Variants in UBN2 observed in about 807,000 individuals in gnomAD.
UBN2 encodes the protein ubinuclein 2.
UBN2 carries 35 observed loss-of-function variants against 120.2 expected under a neutral mutation model. The ratio of observed to expected loss-of-function variants is 0.29; its 90% CI spans 0.22 to 0.39. The LOEUF (loss-of-function observed/expected upper bound fraction) is 0.39, where lower values mean the gene tolerates loss of function less well. Ranked by LOEUF, UBN2 falls within the 10% of genes least tolerant of loss-of-function variation. The probability of loss-of-function intolerance (pLI) is 1.00; values close to 1 mark genes in which losing one functional copy is unlikely to be tolerated. For synonymous variants in UBN2, 661 were observed against 648.7 expected (o/e 1.02, Z -0.29); for missense variants, 1,693 against 1,663.2 (o/e 1.02, Z -0.31).
chr7:139,234,044 A>G (rs769727936), intron 1 of UBN2, among the ~76,000 whole-genome samples: 17 of 152,124 alleles, frequency 1.1e-4, no homozygotes, highest in Non-Finnish European at 5.9e-5. Flanking sequence ...CTGCCAGTGT[A>G]TATCCTTATT....
At position 139,262,155 on chromosome 7, in the gene UBN2, G is replaced by A. The variant is rs1305008271; in HGVS notation, c.1395+414G>A. 4.4e-4 allele frequency among the ~76,000 whole-genome samples: 67 copies of A among 152,054 alleles called. 1 individual carries two copies. The highest frequency in any genetic ancestry group is 2.6e-4 in the Non-Finnish European group (18 of 67,982). On this transcript the variant is annotated intron_variant, in intron 6 of 17. Transcript: ENST00000473989. The stretch of plus-strand genomic sequence containing the variant: ...GCTCCGTCGTCACACAGGCTGGAGT[G>A]CAGTGGCGTGCTCTGCTCACTGCAA...
intron 1 of UBN2, among the ~76,000 whole-genome samples, chr7:139,232,785 T>G (rs1750141712): frequency 1.3e-5 from 2 of 152,210 alleles, no homozygotes; most frequent in South Asian, 4.1e-4. Flanking sequence ...AATGTCAGCT[T>G]TGAATTTTTT....
intron 2 of UBN2, among the ~76,000 whole-genome samples, chr7:139,250,779 T>C (rs1796604715): frequency 6.6e-6 from 1 of 152,128 alleles, no homozygotes; most frequent in African/African-American, 2.4e-5. Flanking sequence ...TTCATTTTCT[T>C]GTATGTCTGT....
Position 139,308,044 on chromosome 7 carries a change from T to G in UBN2, c.*10208T>G, listed in dbSNP as rs1798395319. Reference sequence around the variant, plus strand: ...TTTTGTGTTTTTTTTTTTTTTTTAATTTTTTTGCAACAGCCTTGCTCATAT... The same window carrying G: ...TTTTGTGTTTTTTTTTTTTTTTTAAGTTTTTTGCAACAGCCTTGCTCATAT... On this transcript the variant is annotated 3_prime_UTR_variant, in exon 18 of 18. Transcript: ENST00000473989. The G allele has an allele frequency of 6.6e-6, 1 of 151,078 alleles. No individual in the cohort carries two copies. Among genetic ancestry groups the G allele is most frequent in the Non-Finnish European group, 1.5e-5 (1 of 67,888 alleles). The allele number at this position is 151,078 out of a possible 1,614,324, so 9.4% of individuals were successfully genotyped here.
intron 15 of UBN2, among the ~76,000 whole-genome samples, 176 bp downstream of exon 15, chr7:139,284,750 G>A (rs1448051368): frequency 6.6e-6 from 1 of 152,110 alleles, no homozygotes; most frequent in African/African-American, 2.4e-5. Flanking sequence ...CACACTTGTA[G>A]TTGAGGTGTT....
intron 3 of UBN2, among the ~76,000 whole-genome samples, chr7:139,258,076 G>A (rs1043439156): frequency 1.3e-5 from 2 of 152,148 alleles, no homozygotes; most frequent in Non-Finnish European, 2.9e-5. Context: ...AGCCAGTTTT[G>A]TTATTCTTTA....
intron 2 of UBN2, among the ~76,000 whole-genome samples, chr7:139,246,011 G>A (rs552995973): frequency 6.6e-6 from 1 of 152,316 alleles, no homozygotes; most frequent in African/African-American, 2.4e-5. Flanking sequence ...AGCATTTTGA[G>A]CAGGGGAAAT....
In UBN2 at chr7:139,290,242, T is replaced by TACCC. The variant is rs536841193; in HGVS notation, c.3670-2990_3670-2989insACCC. Among the ~76,000 whole-genome samples, 36 of 152,258 alleles carry TACCC rather than the reference T, an allele frequency of 2.4e-4. 1 individual carries two copies. In the South Asian group the frequency reaches 5.2e-3, roughly 22 times the overall value. ...AGCCACCGTGCCTTGCCAACTCTGG[T>TACCC]TAATTTTTAAGTTGATGCAGGATCT... On this transcript the variant is annotated intron_variant, in intron 15 of 17. Transcript: ENST00000473989.
chr7:139,231,471 C>T lies in UBN2; in HGVS notation c.-14C>T, dbSNP rs1469356100. 3 of 1,350,440 alleles carry T rather than the reference C, an allele frequency of 2.2e-6. No individual in the cohort carries two copies. The highest frequency in any genetic ancestry group is 1.9e-6 in the Non-Finnish European group (2 of 1,044,834). The allele number at this position is 1,350,440 out of a possible 1,614,324, so 83.7% of individuals were successfully genotyped here. ...CGCCGGCTCGAGCAAAAGCGGAGGG[C>T]CAGAACAGTGGGGATGGCGGAGCCG... On this transcript the variant is annotated 5_prime_UTR_variant, in exon 1 of 18. Coordinates refer to ENST00000473989, the MANE Select transcript of UBN2 (RefSeq NM_173569.4).
At position 139,298,452 on chromosome 7, in the gene UBN2, G is replaced by GA. The variant is rs1328611461; in HGVS notation, c.*619dup. On this transcript the variant is annotated 3_prime_UTR_variant, in exon 18 of 18. Transcript: ENST00000473989. The stretch of plus-strand genomic sequence containing the variant: ...AATCAGTGGACTAAAGATCCTTCAG[G>GA]AAAGTTATTTTAGCACAGTGATATA... 6.6e-6 allele frequency: 1 copy of GA among 152,116 alleles called. No individual in the cohort carries two copies. Among genetic ancestry groups the GA allele is most frequent in the Admixed American group, 6.6e-5 (1 of 15,266 alleles). 9.4% of individuals were successfully genotyped at this position (152,116 alleles called of 1,614,324 possible).
Position 139,261,232 on chromosome 7 carries a change from G to T in UBN2, c.906-20G>T. On this transcript the variant is annotated intron_variant, in intron 5 of 17. Coordinates refer to ENST00000473989, the MANE Select transcript of UBN2 (RefSeq NM_173569.4). Reference sequence around the variant, plus strand: ...GTTTAAAATCACACATAGCCTAACTGATCATTTTTGTCTTCACAGAGTTGT... The same window carrying T: ...GTTTAAAATCACACATAGCCTAACTTATCATTTTTGTCTTCACAGAGTTGT... 1 of 1,579,824 alleles carries T rather than the reference G, an allele frequency of 6.3e-7. No individual in the cohort carries two copies. Among genetic ancestry groups the T allele is most frequent in the South Asian group, 1.2e-5 (1 of 85,458 alleles).
At chr7:139,282,478 A>G (rs1797643451) in intron 14 of UBN2, among the ~76,000 whole-genome samples, 1 of 152,148 alleles carries the variant, frequency 6.6e-6, no homozygotes, top group Non-Finnish European at 1.5e-5. Context: ...TAAATAGCAT[A>G]ATTTATTTAT....
At chr7:139,266,073 T>C (rs1156835953) in intron 6 of UBN2, among the ~76,000 whole-genome samples, 3 of 151,534 alleles carry the variant, frequency 2.0e-5, no homozygotes, top group Non-Finnish European at 2.9e-5. Context: ...TTTTTTTTTT[T>C]CATTAGATGT....
chr7:139,269,508 AC>A lies in UBN2; in HGVS notation c.1582del (p.His528IlefsTer9). ...ETLVKRLKKL[H>X]LNVQDDRLRE... ...CACTAGTAAAACGTCTGAAGAAGTT[AC>A]ATCTCAATGTCCAGGTAAGAGGAAG... On this transcript the variant is annotated frameshift_variant, in exon 8 of 18. Transcript: ENST00000473989. LOFTEE classifies it high-confidence loss of function. The A allele has an allele frequency of 6.2e-7, 1 of 1,614,158 alleles. No individual in the cohort carries two copies. The highest frequency in any genetic ancestry group is 8.5e-7 in the Non-Finnish European group (1 of 1,180,032).
At chr7:139,272,294 A>G (rs1342795623) in intron 8 of UBN2, 28 bp from the exon 9 acceptor site, 1 of 1,553,876 alleles carries the variant, frequency 6.4e-7, no homozygotes, top group East Asian at 2.2e-5. Flanking sequence ...ATGTCTGATA[A>G]AAACTTCTAG....
At chr7:139,245,237 G>A (rs1796439286) in intron 2 of UBN2, among the ~76,000 whole-genome samples, 1 of 150,822 alleles carries the variant, frequency 6.6e-6, no homozygotes, top group Admixed American at 6.7e-5. Context: ...ACCTCGCCCA[G>A]CCTACCACAT....
intron 8 of UBN2, among the ~76,000 whole-genome samples, chr7:139,271,964 A>G (rs906469323): frequency 3.3e-5 from 5 of 152,182 alleles, no homozygotes; most frequent in Non-Finnish European, 7.3e-5. Context: ...TCCCATCACA[A>G]TGGAAATTAA....
chr7:139,323,454 G>A, the UBN2 span, among the ~76,000 whole-genome samples: 6 of 151,946 alleles, frequency 3.9e-5, no homozygotes, highest in Admixed American at 3.3e-4. Context: ...TGGCAATCAG[G>A]CTTCGTTCCC....
At position 139,302,106 on chromosome 7, in the gene UBN2, C is replaced by T. The variant is rs919888019; in HGVS notation, c.*4270C>T. ...AAGTGCCTTTTTTCTTTCTTTTTTC[C>T]TCTCTTTTGAAACTGTTGTCACATT... On this transcript the variant is annotated 3_prime_UTR_variant, in exon 18 of 18. Coordinates refer to ENST00000473989, the MANE Select transcript of UBN2 (RefSeq NM_173569.4). The T allele has an allele frequency of 6.6e-6, 1 of 151,788 alleles. No individual in the cohort carries two copies. The highest frequency in any genetic ancestry group is 2.4e-5 in the African/African-American group (1 of 41,320). 9.4% of individuals were successfully genotyped at this position (151,788 alleles called of 1,614,324 possible).
Sources: gnomAD v4.1 joint callset for allele counts (sites outside exome capture counted in the v4.1 genomes callset) on GRCh38, gnomAD v4.1.1 for gene constraint, MANE v1.5 for transcripts, NCBI Gene and HGNC (gene_info 2026-07-23, HGNC 2026-07-21) for gene names.